The following ZNF845 variants were observed in gnomAD, a reference collection of about 807,000 sequenced individuals.
ZNF845 encodes zinc finger protein 845.
Under a neutral mutation model 76.1 loss-of-function variants are expected in ZNF845, and 59 were observed. That is an observed-to-expected ratio of 0.78 (90% CI 0.63 to 0.96). ZNF845 has a LOEUF of 0.96. Among genes scored for constraint, ZNF845 ranks in the 40% least tolerant of loss-of-function variants. The pLI, the probability that ZNF845 is intolerant of heterozygous loss-of-function variation, is 0.00. For synonymous variants in ZNF845, 361 were observed against 386.9 expected, an observed-to-expected ratio of 0.93 and a Z score of 0.78; for missense variants, 1,045 against 1,172.8, an observed-to-expected ratio of 0.89 and a Z score of 1.59.
At chr19:53,343,421 C>T (rs1206360511) in intron 2 of ZNF845, among the ~76,000 whole-genome samples, 1 of 152,206 alleles carries the variant, frequency 6.6e-6, no homozygotes, top group Non-Finnish European at 1.5e-5. Context: ...AAGATTCCTC[C>T]AGGTCAGGCG....
intron 2 of ZNF845, among the ~76,000 whole-genome samples, chr19:53,344,873 A>G (rs1343145554): frequency 6.6e-6 from 1 of 152,030 alleles, no homozygotes; most frequent in South Asian, 2.1e-4. Flanking sequence ...TCCCGACTTC[A>G]GGTGATCTGC....
intron 2 of ZNF845, among the ~76,000 whole-genome samples, chr19:53,343,596 A>G (rs922127266): frequency 6.6e-6 from 1 of 152,068 alleles, no homozygotes; most frequent in Non-Finnish European, 1.5e-5. Context: ...AAACCTTTCT[A>G]TATATGCACA....
In ZNF845 at chr19:53,345,550, A is replaced by C. The variant is rs199779635; in HGVS notation, c.60A>C (p.Glu20Asp). 1 of 1,612,740 alleles carries C rather than the reference A, an allele frequency of 6.2e-7. No homozygotes were observed. Among genetic ancestry groups the C allele is most frequent in the South Asian group, 1.1e-5 (1 of 90,910 alleles). ...ATGTGGCCATAGAATTCTCTCAGGA[A>C]GAGTGGAAGTGCCTGGACCCTGCTC... ...FRDVAIEFSQEEWKCLDPAQR... is the reference protein window; with the variant it reads ...FRDVAIEFSQDEWKCLDPAQR... Residue 20 changes from glutamate to aspartate, a missense_variant, in exon 3 of 4, where the codon GAA (glutamate) becomes GAC (aspartate). Physicochemically the swap from Glu to Asp is conservative, Grantham distance 45. Transcript: ENST00000458035.
Position 53,356,822 on chromosome 19 carries a change from G to A in ZNF845, c.*3234G>A, listed in dbSNP as rs113965695. 6,363 of 150,522 alleles carry A rather than the reference G, an allele frequency of 0.042. 224 individuals are homozygous for A. The highest frequency in any genetic ancestry group is 0.091 in the African/African-American group (3,734 of 40,948). 9.3% of individuals were successfully genotyped at this position (150,522 alleles called of 1,614,324 possible). ...CAGGCACCTGTAGTCCCAGCTACTC[G>A]GGAGGTTGAGGCAGGAGAATGGCGT... On this transcript the variant is annotated 3_prime_UTR_variant, in exon 4 of 4. Transcript: ENST00000458035.
Position 53,352,387 on chromosome 19 carries a change from C to T in ZNF845, c.1712C>T (p.Ala571Val). The T allele has an allele frequency of 6.2e-7, 1 of 1,613,688 alleles. No homozygotes were observed. The highest frequency in any genetic ancestry group is 1.7e-4 in the Middle Eastern group (1 of 6,052). ...CAGTCAGCACTTATTTACCATCAAGCAATCCATGGTATAGGGAAACTTTAC... is the reference window on the plus strand; with the variant it reads ...CAGTCAGCACTTATTTACCATCAAGTAATCCATGGTATAGGGAAACTTTAC... ...RGQSALIYHQ[A>V]IHGIGKLYKC... is the part of the protein sequence containing the mutation. Residue 571 changes from alanine to valine, a missense_variant, in exon 4 of 4, where the codon GCA becomes GTA. By Grantham distance (64) the Ala-to-Val change is moderately conservative (BLOSUM62 0). Transcript: ENST00000458035.
chr19:53,337,206 C>G, intron 1 of ZNF845: 2 of 456,392 alleles, frequency 4.4e-6, no homozygotes, highest in South Asian at 3.1e-5. Context: ...CCTGCTCTTA[C>G]CCTGTGTTCC....
chr19:53,349,338 C>T (rs528154623), intron 3 of ZNF845, among the ~76,000 whole-genome samples: 1 of 151,940 alleles, frequency 6.6e-6, no homozygotes, highest in African/African-American at 2.4e-5. Flanking sequence ...GATCTCGGCT[C>T]ACTGCAAGCT....
At chr19:53,345,656 G>GT in intron 3 of ZNF845, 24 bp downstream of exon 3, 1 of 1,611,198 alleles carries the variant, frequency 6.2e-7, no homozygotes, top group Non-Finnish European at 8.5e-7. Flanking sequence ...CCCTCCAGAA[G>GT]TGGGGATGTG....
chr19:53,344,007 GTC>G (rs1009762679), intron 2 of ZNF845, among the ~76,000 whole-genome samples: 56 of 151,510 alleles, frequency 3.7e-4, no homozygotes, highest in Admixed American at 2.0e-3. Context: ...TTGAGATGGA[GTC>G]TCTGTTACCC....
chr19:53,356,273 C>T lies in ZNF845; in HGVS notation c.*2685C>T, dbSNP rs1254814093. On this transcript the variant is annotated 3_prime_UTR_variant, in exon 4 of 4. Coordinates refer to ENST00000458035, the MANE Select transcript of ZNF845 (RefSeq NM_138374.3). ...TACGATGAGACCAGACGCAGTGGCT[C>T]AGGCCTGTAATCCCAGCGGTTTTAG... is the stretch of plus-strand genomic sequence containing the variant. 1 of 150,178 alleles carries T rather than the reference C, an allele frequency of 6.7e-6. No homozygotes were observed. The highest frequency in any genetic ancestry group is 1.5e-5 in the Non-Finnish European group (1 of 66,956). The allele number at this position is 150,178 out of a possible 1,614,324, so 9.3% of individuals were successfully genotyped here.
rs989548183 is a variant in ZNF845 at position 53,354,983 on chromosome 19, G to A, written c.*1395G>A. The A allele has an allele frequency of 5.3e-5, 8 of 151,740 alleles. No individual in the cohort carries two copies. Among genetic ancestry groups the A allele is most frequent in the Non-Finnish European group, 7.4e-5 (5 of 68,000 alleles). The allele number at this position is 151,740 out of a possible 1,614,324, so 9.4% of individuals were successfully genotyped here. The stretch of plus-strand genomic sequence containing the variant: ...CACTTGGACTGGAGTACAATGGCAC[G>A]ATCTTGGCTCACTGCAGCCTCTGCC... On this transcript the variant is annotated 3_prime_UTR_variant, in exon 4 of 4. Coordinates refer to ENST00000458035, the MANE Select transcript of ZNF845 (RefSeq NM_138374.3).
intron 1 of ZNF845, among the ~76,000 whole-genome samples, chr19:53,336,385 C>T (rs1453357876): frequency 6.6e-6 from 1 of 152,076 alleles, no homozygotes; most frequent in Non-Finnish European, 1.5e-5. Flanking sequence ...TGGCATGCAT[C>T]TGTAGTTCCA....
At position 53,352,569 on chromosome 19, in the gene ZNF845, G is replaced by C. The variant is rs1274057146; in HGVS notation, c.1894G>C (p.Glu632Gln). 1 of 1,610,090 alleles carries C rather than the reference G, an allele frequency of 6.2e-7. No homozygotes were observed. Among genetic ancestry groups the C allele is most frequent in the Non-Finnish European group, 8.5e-7 (1 of 1,178,182 alleles). ...AGTTCATTGGCGAACTCATAGTGGAGAGAAACCTTACAAATGTGAAGAATG... is the reference window on the plus strand; with the variant it reads ...AGTTCATTGGCGAACTCATAGTGGACAGAAACCTTACAAATGTGAAGAATG... Reference protein sequence around the residue: ...LAVHWRTHSGEKPYKCEECDE... With the variant: ...LAVHWRTHSGQKPYKCEECDE... Residue 632 changes from glutamate to glutamine, a missense_variant, in exon 4 of 4, where the codon GAG (glutamate) becomes CAG (glutamine). By Grantham distance (29) the Glu-to-Gln change is conservative (BLOSUM62 2). Transcript: ENST00000458035.
rs1167062400 is a variant in ZNF845 at position 53,353,640 on chromosome 19, C to A, written c.*52C>A. ...CAGTTGTAAATCAAGTCTTGAAAGACAGGAGAATTCATACTGGAGAGAAAG... is the reference window on the plus strand; with the variant it reads ...CAGTTGTAAATCAAGTCTTGAAAGAAAGGAGAATTCATACTGGAGAGAAAG... On this transcript the variant is annotated 3_prime_UTR_variant, in exon 4 of 4. Coordinates refer to ENST00000458035, the MANE Select transcript of ZNF845 (RefSeq NM_138374.3). 9 of 1,523,818 alleles carry A rather than the reference C, an allele frequency of 5.9e-6. No homozygotes were observed. Among genetic ancestry groups the A allele is most frequent in the Non-Finnish European group, 7.0e-6 (8 of 1,137,308 alleles). 94.4% of individuals were successfully genotyped at this position (1,523,818 alleles called of 1,614,324 possible).
rs374838963 is a variant in ZNF845, at chr19:53,351,864, T to A, written c.1189T>A (p.Ser397Thr). The A allele has an allele frequency of 4.0e-5, 65 of 1,612,424 alleles. No homozygotes were observed. Among genetic ancestry groups the A allele is most frequent in the Non-Finnish European group, 5.3e-5 (62 of 1,179,698 alleles). ...ECSRTFSRKS[S>T]LTRHRRLHTG... ...CAGCAGGACCTTTAGTCGGAAGTCA[T>A]CCCTTACACGCCATCGTAGACTTCA... is the stretch of plus-strand genomic sequence containing the variant. The change falls in exon 4 of 4, where the codon TCC (serine) becomes ACC (threonine). Residue 397 changes from serine to threonine, a missense_variant. Transcript: ENST00000458035.
intron 2 of ZNF845, among the ~76,000 whole-genome samples, chr19:53,342,016 G>C (rs184867521): frequency 6.6e-6 from 1 of 152,100 alleles, no homozygotes; most frequent in East Asian, 1.9e-4. Context: ...AGGAAAAATG[G>C]TTATAATTTT....
rs188311143 is a variant in ZNF845 at position 53,343,729 on chromosome 19, C to G, written c.16-1777C>G. The stretch of plus-strand genomic sequence containing the variant: ...AAATGACAATCCTTTGTATTAACAT[C>G]TAGTTTTTTGTGAGTCTGTGTAGGT... On this transcript the variant is annotated intron_variant, in intron 2 of 3. Coordinates refer to ENST00000458035, the MANE Select transcript of ZNF845 (RefSeq NM_138374.3). Among the ~76,000 whole-genome samples, 851 of 152,072 alleles carry G rather than the reference C, an allele frequency of 5.6e-3. 10 individuals are homozygous for G. Among genetic ancestry groups the G allele is most frequent in the African/African-American group, 0.019 (803 of 41,482 alleles).
intron 3 of ZNF845, 41 bp downstream of exon 3, chr19:53,345,673 T>G: frequency 1.2e-6 from 2 of 1,603,108 alleles, no homozygotes; most frequent in Non-Finnish European, 1.7e-6. Context: ...TGTGCCCTTG[T>G]GTATCTTTGT....
Position 53,351,660 on chromosome 19 carries a change from T to G in ZNF845, c.985T>G (p.Cys329Gly), listed in dbSNP as rs745561731. 3 of 1,613,956 alleles carry G rather than the reference T, an allele frequency of 1.9e-6. No individual in the cohort carries two copies. In the South Asian group the frequency reaches 3.3e-5, roughly 18 times the overall value. The change falls in exon 4 of 4, where the codon TGT becomes GGT. Residue 329 changes from cysteine to glycine, a missense_variant. Coordinates refer to ENST00000458035, the MANE Select transcript of ZNF845 (RefSeq NM_138374.3). ...TCATACTGGAGAGAAATCTTACAAG[T>G]GTAATGAATGTGGCAAGACCTTCAG... ...AIHTGEKSYK[C>G]NECGKTFSQT...
Sources: allele counts gnomAD v4.1 joint callset (sites outside exome capture counted in the v4.1 genomes callset), GRCh38; gene constraint gnomAD v4.1.1; transcripts MANE v1.5; gene names NCBI Gene and HGNC (gene_info 2026-07-23, HGNC 2026-07-21).